The following TAF12 variants were observed in gnomAD, a reference collection of about 807,000 sequenced individuals.
The protein encoded by TAF12 is transcription initiation factor TFIID subunit 12.
In TAF12, 3 loss-of-function variants were observed where a neutral mutation model predicts 20.8. The observed-to-expected ratio is 0.14, with a 90% confidence interval of 0.07 to 0.37. The LOEUF is 0.37. Ranked by LOEUF, TAF12 falls within the 10% of genes least tolerant of loss-of-function variation. The pLI is 1.00. For synonymous variants in TAF12, 69 were observed against 70.2 expected (o/e 0.98, Z 0.09); for missense variants, 131 against 197.9 (o/e 0.66, Z 2.03).
At chr1:28,623,873 G>A (rs553088500) in intron 1 of TAF12, 35 of 764,726 alleles carry the variant, frequency 4.6e-5, no homozygotes, top group African/African-American at 4.5e-4. Flanking sequence ...CTCTGTGGAC[G>A]TCAGCTTGGG....
At chr1:28,627,468 C>T (rs1287897753) in intron 1 of TAF12, among the ~76,000 whole-genome samples, 3 of 149,862 alleles carry the variant, frequency 2.0e-5, no homozygotes, top group South Asian at 2.1e-4. Flanking sequence ...CTGAGGCGGG[C>T]GGATCACAAG....
At chr1:28,609,919 G>A (rs1666795499) in intron 4 of TAF12, among the ~76,000 whole-genome samples, 1 of 151,930 alleles carries the variant, frequency 6.6e-6, no homozygotes, top group African/African-American at 2.4e-5. Context: ...CTTAGCCCCT[G>A]GTAATCACCA....
At chr1:28,604,682 A>G (rs753690732) in intron 5 of TAF12, among the ~76,000 whole-genome samples, 11 of 152,322 alleles carry the variant, frequency 7.2e-5, no homozygotes, top group Non-Finnish European at 1.5e-4. Flanking sequence ...ATGGCGAAGC[A>G]GGGGCACTCA....
At chr1:28,607,449 T>C (rs1414927588) in intron 4 of TAF12, among the ~76,000 whole-genome samples, 1 of 152,158 alleles carries the variant, frequency 6.6e-6, no homozygotes, top group Non-Finnish European at 1.5e-5. Context: ...AGTGGGCGGA[T>C]CACCTGAAGT....
chr1:28,635,185 G>A (rs1181267560), intron 1 of TAF12, among the ~76,000 whole-genome samples: 28 of 136,750 alleles, frequency 2.0e-4, no homozygotes, highest in East Asian at 2.3e-4. Flanking sequence ...AGCCGAGATC[G>A]CGCCACTGCA....
At chr1:28,636,453 A>G (rs1436293173) in intron 1 of TAF12, among the ~76,000 whole-genome samples, 6 of 152,108 alleles carry the variant, frequency 3.9e-5, no homozygotes, top group Admixed American at 3.3e-4. Flanking sequence ...AAGCTACATA[A>G]TCTCTTTATG....
intron 2 of TAF12, among the ~76,000 whole-genome samples, chr1:28,620,496 C>T (rs952737423): frequency 2.7e-5 from 4 of 150,826 alleles, no homozygotes; most frequent in South Asian, 2.1e-4. Context: ...AGTGCAGTGG[C>T]GCAATCTCTG....
At chr1:28,608,232 C>T (rs1028546781) in intron 4 of TAF12, among the ~76,000 whole-genome samples, 2 of 149,896 alleles carry the variant, frequency 1.3e-5, no homozygotes, top group African/African-American at 4.9e-5. Flanking sequence ...GTAGTCCCAG[C>T]TACTCGGGAG....
At chr1:28,604,849 G>A (rs950543038) in intron 5 of TAF12, among the ~76,000 whole-genome samples, 11 of 152,172 alleles carry the variant, frequency 7.2e-5, no homozygotes, top group African/African-American at 2.7e-4. Flanking sequence ...TTGCTCCACA[G>A]CAGAAGTAGT....
At chr1:28,625,591 G>A (rs1667355624) in intron 1 of TAF12, among the ~76,000 whole-genome samples, 1 of 149,972 alleles carries the variant, frequency 6.7e-6, no homozygotes, top group Admixed American at 6.7e-5. Context: ...GCCCAGGTCG[G>A]ACTGCAGTGG....
chr1:28,638,714 G>A (rs2124386186), intron 1 of TAF12, among the ~76,000 whole-genome samples: 4 of 143,980 alleles, frequency 2.8e-5, no homozygotes, highest in South Asian at 2.2e-4. Context: ...TCGAACTCCT[G>A]ACCTCAGGTG....
intron 2 of TAF12, 114 bp downstream of exon 2, chr1:28,621,800 C>T (rs761351195): frequency 7.2e-5 from 106 of 1,462,238 alleles, no homozygotes; most frequent in Non-Finnish European, 9.0e-5. Flanking sequence ...AGGGAAAAGA[C>T]CTTTTCGGCT....
At chr1:28,630,018 C>T (rs886362947) in intron 1 of TAF12, among the ~76,000 whole-genome samples, 6 of 152,180 alleles carry the variant, frequency 3.9e-5, no homozygotes, top group African/African-American at 1.4e-4. Flanking sequence ...GAGCTCACTA[C>T]AGCCTCAACC....
chr1:28,615,665 C>T (rs1180828808), intron 3 of TAF12, among the ~76,000 whole-genome samples: 2 of 104,804 alleles, frequency 1.9e-5, no homozygotes, highest in South Asian at 3.2e-4. Flanking sequence ...GTCAACAGAG[C>T]GAGACTCCGT....
In TAF12 at chr1:28,612,128, G is replaced by A. The variant is rs186416326; in HGVS notation, c.361+1119C>T. On this transcript the variant is annotated intron_variant, in intron 4 of 5. Coordinates refer to ENST00000373824, the MANE Select transcript of TAF12 (RefSeq NM_005644.4). ...AATTAGTCATGGGCTGATCTGCACCGAATCTCATTCATTTGGCCTGTCTCT... is the reference window on the plus strand; with the variant it reads ...AATTAGTCATGGGCTGATCTGCACCAAATCTCATTCATTTGGCCTGTCTCT... Among the ~76,000 whole-genome samples the A allele has an allele frequency of 3.3e-3, 498 of 152,122 alleles. 1 individual carries two copies. Among genetic ancestry groups the A allele is most frequent in the African/African-American group, 0.011 (476 of 41,508 alleles).
intron 1 of TAF12, chr1:28,624,096 G>T: frequency 1.3e-6 from 1 of 748,968 alleles, no homozygotes; most frequent in Non-Finnish European, 1.6e-6. Flanking sequence ...GAATGGCCTG[G>T]TACATCTTCA....
intron 1 of TAF12, among the ~76,000 whole-genome samples, chr1:28,624,578 C>T (rs1008691678): frequency 1.3e-5 from 2 of 151,860 alleles, no homozygotes; most frequent in South Asian, 2.1e-4. Context: ...GAAACCCAGT[C>T]GTTACTAAAA....
intron 1 of TAF12, among the ~76,000 whole-genome samples, chr1:28,630,190 C>T (rs1247781446): frequency 1.3e-5 from 2 of 152,184 alleles, no homozygotes; most frequent in African/African-American, 2.4e-5. Flanking sequence ...AAGCGATCCT[C>T]CTGCCTCAGC....
rs891579317 is a variant in TAF12 at position 28,643,038 on chromosome 1, G to C, written c.-131C>G. 2 of 985,896 alleles carry C rather than the reference G, an allele frequency of 2.0e-6. No homozygotes were observed. Among genetic ancestry groups the C allele is most frequent in the African/African-American group, 1.7e-5 (1 of 57,366 alleles). 61.1% of individuals were successfully genotyped at this position (985,896 alleles called of 1,614,324 possible). ...CATGATATGCAGAGACTGCCCCAGTGAAGCGTTCGTCTCAGCAGCCGGTCC... is the reference window on the plus strand; with the variant it reads ...CATGATATGCAGAGACTGCCCCAGTCAAGCGTTCGTCTCAGCAGCCGGTCC... On this transcript the variant is annotated 5_prime_UTR_variant, in exon 1 of 6. Transcript: ENST00000373824.
Sources: gnomAD v4.1 joint callset for allele counts (sites outside exome capture counted in the v4.1 genomes callset) on GRCh38, gnomAD v4.1.1 for gene constraint, MANE v1.5 for transcripts, NCBI Gene and HGNC (gene_info 2026-07-23, HGNC 2026-07-21) for gene names.